Variants in TRPA1 observed in about 807,000 individuals in gnomAD.
TRPA1 encodes the protein ankyrin-like with transmembrane domains 1.
A neutral mutation model predicts 131.3 loss-of-function variants in TRPA1; 129 were observed. That is an observed-to-expected ratio of 0.98 (90% CI 0.85 to 1.14). TRPA1 has a LOEUF of 1.14. Ranked by LOEUF, TRPA1 falls within the 50% of genes most tolerant of loss-of-function variation. The pLI is 0.00. For synonymous variants in TRPA1, 441 were observed against 451.7 expected (o/e 0.98, Z 0.30); for missense variants, 1,304 against 1,354.2 (o/e 0.96, Z 0.58).
intron 9 of TRPA1, 120 bp from the exon 10 acceptor site, chr8:72,057,137 G>A: frequency 1.3e-6 from 1 of 762,462 alleles, no homozygotes; most frequent in Non-Finnish European, 2.2e-6. Context: ...TTAGTTTACA[G>A]GAAATTGTGT....
intron 1 of TRPA1, 80 bp from the exon 2 acceptor site, chr8:72,071,947 CTTA>C (rs1563406933): frequency 1.5e-6 from 2 of 1,314,488 alleles, no homozygotes; most frequent in South Asian, 1.2e-5. Context: ...CCTGAAAGAA[CTTA>C]TTATTATCCA....
In TRPA1 at chr8:72,050,833, G is replaced by A; in HGVS notation, c.1850C>T (p.Pro617Leu). 6.2e-7 allele frequency: 1 copy of A among 1,611,420 alleles called. No homozygotes were observed. Among genetic ancestry groups the A allele is most frequent in the Non-Finnish European group, 8.5e-7 (1 of 1,178,620 alleles). Residue 617 changes from proline (P) to leucine (L), a missense_variant, in exon 15 of 27, where the codon CCA becomes CTA. By Grantham distance (98) the Pro-to-Leu change is moderately conservative (BLOSUM62 -3). Transcript: ENST00000262209. ...ECLKIFSHNS[P>L]GNKCPITEMI... ...TTCTGTAATTGGACATTTATTGCCT[G>A]GAGAATTATGACTGAAAATCTTAAG...
intron 17 of TRPA1, among the ~76,000 whole-genome samples, chr8:72,043,039 G>A (rs1812307985): frequency 6.6e-6 from 1 of 151,968 alleles, no homozygotes; most frequent in South Asian, 2.1e-4. Flanking sequence ...AAAGAGTTAA[G>A]ACAGTAAATT....
chr8:72,026,113 A>G (rs1811600264), intron 24 of TRPA1, 40 bp from the exon 25 acceptor site: 3 of 1,504,212 alleles, frequency 2.0e-6, no homozygotes, highest in Non-Finnish European at 2.8e-6. Flanking sequence ...ATCATTAGTT[A>G]GTATATGGAA....
intron 1 of TRPA1, 101 bp downstream of exon 1, chr8:72,075,198 C>A (rs1026319535): frequency 2.2e-6 from 2 of 909,616 alleles, no homozygotes; most frequent in Admixed American, 1.7e-5. Flanking sequence ...AGCTTGCAAC[C>A]CCCACGCTTT....
intron 24 of TRPA1, among the ~76,000 whole-genome samples, chr8:72,027,494 T>C (rs1450606079): frequency 6.6e-6 from 1 of 152,184 alleles, no homozygotes. Flanking sequence ...CTGCCAAAAC[T>C]GTGGTGGAAA....
At chr8:72,041,008 T>C (rs80268000) in intron 17 of TRPA1, among the ~76,000 whole-genome samples, 2 of 151,954 alleles carry the variant, frequency 1.3e-5, no homozygotes, top group Non-Finnish European at 2.9e-5. Flanking sequence ...CAGGCTGAAA[T>C]TGAACGGATG....
Position 72,065,560 on chromosome 8 carries a change from TA to T in TRPA1, c.445-3del, listed in dbSNP as rs775073773. The T allele has an allele frequency of 4.3e-6, 7 of 1,610,918 alleles. No homozygotes were observed. The highest frequency in any genetic ancestry group is 4.0e-5 in the African/African-American group (3 of 74,800). On this transcript the variant is annotated splice_polypyrimidine_tract_variant and splice_region_variant and intron_variant, in intron 3 of 26. Coordinates refer to ENST00000262209, the MANE Select transcript of TRPA1 (RefSeq NM_007332.3). ...AATAGTTCTATGCTCAAGCAAGACC[TA>T]AAAAAAGGGGAGAATAATTGTCAAA... is the stretch of plus-strand genomic sequence containing the variant.
chr8:72,033,839 G>T lies in TRPA1; in HGVS notation c.2686-13C>A, dbSNP rs548077117. 2 of 1,612,354 alleles carry T rather than the reference G, an allele frequency of 1.2e-6. No individual in the cohort carries two copies. The highest frequency in any genetic ancestry group is 8.5e-7 in the Non-Finnish European group (1 of 1,178,784). The stretch of plus-strand genomic sequence containing the variant: ...AGCTGAAGGGATCCTGAAAGCAGAC[G>T]GTGAGGTACAAATGAAATGCAAAGT... On this transcript the variant is annotated splice_polypyrimidine_tract_variant and intron_variant, in intron 22 of 26. Coordinates refer to ENST00000262209, the MANE Select transcript of TRPA1 (RefSeq NM_007332.3).
chr8:72,039,593 AT>A (rs1166347572), intron 18 of TRPA1, 133 bp downstream of exon 18: 2 of 644,402 alleles, frequency 3.1e-6, no homozygotes, highest in South Asian at 2.0e-5. Flanking sequence ...TGCCTTACTT[AT>A]TTCTTCAAAG....
At chr8:72,047,275 A>C in intron 15 of TRPA1, 68 bp from the exon 16 acceptor site, 1 of 1,162,894 alleles carries the variant, frequency 8.6e-7, no homozygotes, top group Non-Finnish European at 1.3e-6. Context: ...ATTTTATCCT[A>C]TTTCTGAAAT....
the TRPA1 span, among the ~76,000 whole-genome samples, chr8:72,089,101 A>C: frequency 6.6e-6 from 1 of 151,572 alleles, no homozygotes. Flanking sequence ...TCTTGTGACT[A>C]TGCACATATT....
At chr8:72,056,243 T>A (rs909598006) in intron 10 of TRPA1, 4 of 255,772 alleles carry the variant, frequency 1.6e-5, no homozygotes, top group African/African-American at 9.0e-5. Flanking sequence ...TTCTGTTAGG[T>A]AAAATGGATG....
intron 7 of TRPA1, among the ~76,000 whole-genome samples, chr8:72,060,084 A>G (rs569673230): frequency 2.4e-4 from 37 of 152,060 alleles, no homozygotes; most frequent in Non-Finnish European, 5.1e-4. Flanking sequence ...TTATACATAA[A>G]TTTCAGAATC....
intron 3 of TRPA1, 36 bp downstream of exon 3, chr8:72,068,987 C>T (rs1805992605): frequency 6.2e-7 from 1 of 1,613,340 alleles, no homozygotes; most frequent in African/African-American, 1.3e-5. Context: ...ACCTGCACCG[C>T]CGGTCAGGCC....
At chr8:72,055,936 T>C (rs566742881) in intron 10 of TRPA1, 81 bp from the exon 11 acceptor site, 5 of 1,449,740 alleles carry the variant, frequency 3.4e-6, no homozygotes, top group South Asian at 1.2e-5. Context: ...TGTAGGAAAA[T>C]ATTTTCCAAC....
At chr8:72,067,403 T>G (rs1395313846) in intron 3 of TRPA1, among the ~76,000 whole-genome samples, 1 of 152,190 alleles carries the variant, frequency 6.6e-6, no homozygotes. Context: ...TCAATTTTAC[T>G]TAGAACTCTA....
At chr8:72,050,957 G>GTTTCCCCTAAA in intron 14 of TRPA1, 86 bp from the exon 15 acceptor site, 5 of 1,008,176 alleles carry the variant, frequency 5.0e-6, no homozygotes, top group Non-Finnish European at 7.7e-6. Context: ...ATTTCTTTAG[G>GTTTCCCCTAAA]GGAAACCTAA....
intron 15 of TRPA1, among the ~76,000 whole-genome samples, chr8:72,047,892 C>T (rs1317423325): frequency 6.6e-6 from 1 of 152,036 alleles, no homozygotes; most frequent in Non-Finnish European, 1.5e-5. Flanking sequence ...CTTACTGTGA[C>T]AACTTATTGT....
Sources: gnomAD v4.1 joint callset for allele counts (sites outside exome capture counted in the v4.1 genomes callset) on GRCh38, gnomAD v4.1.1 for gene constraint, MANE v1.5 for transcripts, NCBI Gene and HGNC (gene_info 2026-07-23, HGNC 2026-07-21) for gene names.